FAT3: variants seen among roughly 807,000 people sequenced by gnomAD.
The protein encoded by FAT3 is FAT atypical cadherin 3.
Under a neutral mutation model 310.2 loss-of-function variants are expected in FAT3, and 95 were observed. The observed-to-expected ratio is 0.31, with a 90% CI of 0.26 to 0.36. The LOEUF (loss-of-function observed/expected upper bound fraction) is 0.36. Ranked by LOEUF, FAT3 falls within the 10% of genes least tolerant of loss-of-function variation. The pLI is 1.00. For missense variants in FAT3, 5,408 were observed against 5,715.6 expected (o/e 0.95, Z 1.74); for synonymous variants, 2,314 against 2,192.9 (o/e 1.06, Z -1.54).
chr11:92,803,644 C>T (rs998719646), intron 10 of FAT3, among the ~76,000 whole-genome samples: 1 of 152,204 alleles, frequency 6.6e-6, no homozygotes, highest in Non-Finnish European at 1.5e-5. Context: ...GTCCTGTGCA[C>T]TGTAGGATGT....
At chr11:92,266,004 G>T (rs1479752879) in intron 1 of FAT3, among the ~76,000 whole-genome samples, 2 of 151,918 alleles carry the variant, frequency 1.3e-5, no homozygotes, top group African/African-American at 2.4e-5. Flanking sequence ...ATCATTTCTT[G>T]ATGTTTTTTG....
intron 2 of FAT3, among the ~76,000 whole-genome samples, chr11:92,444,661 G>GA (rs970967186): frequency 3.4e-4 from 46 of 136,688 alleles, no homozygotes; most frequent in African/African-American, 1.3e-3. Context: ...GATATTACTG[G>GA]GGGGGGGGGA....
chr11:92,870,244 T>TCAC (rs1949354306), intron 22 of FAT3, among the ~76,000 whole-genome samples: 1 of 152,006 alleles, frequency 6.6e-6, no homozygotes, highest in African/African-American at 2.4e-5. Context: ...GCCCCAACCA[T>TCAC]CTCTAAGCCC....
intron 2 of FAT3, among the ~76,000 whole-genome samples, chr11:92,430,049 A>G (rs1176502262): frequency 1.3e-5 from 2 of 152,192 alleles, no homozygotes; most frequent in Non-Finnish European, 2.9e-5. Context: ...ACATAGTCCC[A>G]TATTTCATGG....
intron 2 of FAT3, among the ~76,000 whole-genome samples, chr11:92,401,653 C>T (rs1950015127): frequency 1.3e-5 from 2 of 152,144 alleles, no homozygotes; most frequent in Admixed American, 1.3e-4. Context: ...GCAACACCAT[C>T]CTCCCCTACA....
chr11:92,678,952 T>C lies in FAT3; in HGVS notation c.3608-18432T>C, dbSNP rs114470589. Among the ~76,000 whole-genome samples the C allele has an allele frequency of 4.3e-3, 658 of 152,294 alleles. 4 individuals are homozygous for C. Among genetic ancestry groups the C allele is most frequent in the African/African-American group, 0.015 (619 of 41,564 alleles). On this transcript the variant is annotated intron_variant, in intron 3 of 27. Transcript: ENST00000525166. ...TAACTAATTTTTCATTATCCTAGCT[T>C]TCTCATCACCCTTCTGAGTCTTCAT...
rs569330146 is a variant in FAT3 at position 92,764,463 on chromosome 11, C to T, written c.3985-416C>T. Among the ~76,000 whole-genome samples, 17 of 152,266 alleles carry T rather than the reference C, an allele frequency of 1.1e-4. No individual in the cohort carries two copies. In the South Asian group the frequency reaches 2.9e-3, roughly 26 times the overall value. On this transcript the variant is annotated intron_variant, in intron 5 of 27. Coordinates refer to ENST00000525166, the MANE Select transcript of FAT3 (RefSeq NM_001367949.2). Reference sequence around the variant, plus strand: ...CACACACACTTCTGCACGTATCATTCACACATATATAAGGTTTCACAATGC... The same window carrying T: ...CACACACACTTCTGCACGTATCATTTACACATATATAAGGTTTCACAATGC...
intron 9 of FAT3, among the ~76,000 whole-genome samples, chr11:92,797,125 G>C (rs1947197043): frequency 1.3e-5 from 2 of 152,214 alleles, no homozygotes; most frequent in Non-Finnish European, 2.9e-5. Flanking sequence ...GTGTGCATGT[G>C]TGTGTTCAGA....
At chr11:92,664,934 A>G (rs1305052852) in intron 3 of FAT3, among the ~76,000 whole-genome samples, 1 of 152,178 alleles carries the variant, frequency 6.6e-6, no homozygotes, top group Non-Finnish European at 1.5e-5. Flanking sequence ...ATTACATTTA[A>G]TAAAGAAGGA....
chr11:92,786,365 C>T (rs972296039), intron 7 of FAT3, among the ~76,000 whole-genome samples: 5 of 151,570 alleles, frequency 3.3e-5, no homozygotes, highest in Admixed American at 6.6e-5. Flanking sequence ...AAATTGAAAG[C>T]GTATTTGCAA....
intron 2 of FAT3, among the ~76,000 whole-genome samples, chr11:92,444,595 T>C (rs75525683): frequency 0.012 from 1,752 of 146,822 alleles, 25 homozygotes; most frequent in Middle Eastern, 0.018. Flanking sequence ...ATCTCAGACG[T>C]AGGAGGACAT....
intron 2 of FAT3, among the ~76,000 whole-genome samples, chr11:92,461,462 C>A (rs535010703): frequency 6.6e-6 from 1 of 151,966 alleles, no homozygotes; most frequent in African/African-American, 2.4e-5. Context: ...ACATTTTTTA[C>A]AAAGGGAGAT....
At chr11:92,634,468 C>T in intron 3 of FAT3, among the ~76,000 whole-genome samples, 1 of 152,166 alleles carries the variant, frequency 6.6e-6, no homozygotes, top group East Asian at 1.9e-4. Flanking sequence ...TTGTTAAGTC[C>T]TCTCCATCTT....
intron 3 of FAT3, among the ~76,000 whole-genome samples, chr11:92,575,018 C>T (rs907068138): frequency 6.6e-6 from 1 of 152,166 alleles, no homozygotes; most frequent in African/African-American, 2.4e-5. Flanking sequence ...CTCAAGCTCT[C>T]AGCCACACAA....
chr11:92,347,960 A>AT (rs1338798902), intron 1 of FAT3, among the ~76,000 whole-genome samples: 1 of 152,196 alleles, frequency 6.6e-6, no homozygotes, highest in Non-Finnish European at 1.5e-5. Flanking sequence ...GGGCAATATT[A>AT]TTTTTAAAAA....
In FAT3 at chr11:92,315,512, T is replaced by TATATACAGAG. The variant is rs1353970811; in HGVS notation, c.-17-36583_-17-36582insTATACAGAGA. Among the ~76,000 whole-genome samples, 5 of 56,176 alleles carry TATATACAGAG rather than the reference T, an allele frequency of 8.9e-5. No individual in the cohort carries two copies. In the South Asian group the frequency reaches 4.9e-3, roughly 55 times the overall value. The allele number at this position is 56,176 out of a possible 152,430, so 36.9% of individuals were successfully genotyped here. ...ATATATATATATATATATATATATA[T>TATATACAGAG]AGAGAGAGAGAGAGAGAGAGAGAGA... On this transcript the variant is annotated intron_variant, in intron 1 of 27. Transcript: ENST00000525166.
intron 1 of FAT3, among the ~76,000 whole-genome samples, chr11:92,293,249 G>GA (rs1219949604): frequency 2.6e-5 from 4 of 151,478 alleles, no homozygotes; most frequent in Non-Finnish European, 5.9e-5. Flanking sequence ...ATGGAGGGGG[G>GA]ATGAGCTTTC....
intron 6 of FAT3, among the ~76,000 whole-genome samples, chr11:92,769,465 T>G (rs1436629421): frequency 6.6e-6 from 1 of 152,228 alleles, no homozygotes; most frequent in Non-Finnish European, 1.5e-5. Context: ...CTCTCTAATG[T>G]GCATGCAATC....
At chr11:92,376,554 G>T (rs910753654) in intron 2 of FAT3, among the ~76,000 whole-genome samples, 1 of 152,128 alleles carries the variant, frequency 6.6e-6, no homozygotes, top group African/African-American at 2.4e-5. Flanking sequence ...CATGTCAACT[G>T]TTTGTTGCAG....
Sources: gnomAD v4.1 joint callset for allele counts (sites outside exome capture counted in the v4.1 genomes callset) on GRCh38, gnomAD v4.1.1 for gene constraint, MANE v1.5 for transcripts, NCBI Gene and HGNC (gene_info 2026-07-23, HGNC 2026-07-21) for gene names.